The following SUGCT variants were observed in gnomAD, a reference collection of about 807,000 sequenced individuals.
SUGCT encodes succinyl-CoA:glutarate CoA-transferase.
SUGCT carries 41 observed loss-of-function variants against 55.0 expected under a neutral mutation model. The observed-to-expected ratio is 0.74, with a 90% CI of 0.58 to 0.97. SUGCT has a LOEUF of 0.97. SUGCT is among the 50% of genes least tolerant of loss of function. The pLI is 0.00. For synonymous variants in SUGCT, 187 were observed against 200.4 expected (o/e 0.93, Z 0.56); for missense variants, 568 against 547.8 (o/e 1.04, Z -0.37).
intron 6 of SUGCT, among the ~76,000 whole-genome samples, chr7:40,196,921 A>G (rs1453539582): frequency 2.0e-5 from 3 of 152,132 alleles, no homozygotes; most frequent in East Asian, 1.9e-4. Flanking sequence ...TGCAACCTCC[A>G]CCTCCTAGGT....
At chr7:40,234,793 C>G (rs1157197940) in intron 6 of SUGCT, among the ~76,000 whole-genome samples, 1 of 151,968 alleles carries the variant, frequency 6.6e-6, no homozygotes, top group Non-Finnish European at 1.5e-5. Context: ...CCTGTAGTCC[C>G]AGCTACTGGG....
At chr7:40,654,647 A>G (rs1012508452) in intron 12 of SUGCT, among the ~76,000 whole-genome samples, 3 of 152,226 alleles carry the variant, frequency 2.0e-5, no homozygotes, top group African/African-American at 7.2e-5. Flanking sequence ...TCACACACAC[A>G]AAGACCCAAA....
At position 40,404,549 on chromosome 7, in the gene SUGCT, G is replaced by A. The variant is rs568714814; in HGVS notation, c.817-44738G>A. Among the ~76,000 whole-genome samples the A allele has an allele frequency of 2.0e-5, 3 of 152,010 alleles. No individual in the cohort carries two copies. The East Asian group carries it at 5.8e-4, about 30-fold the overall frequency. ...GCCTCCTGGGTTAAGCGATTCTCCTGCCTCAGCCTCCCTAGCAGCTGGGAT... is the reference window on the plus strand; with the variant it reads ...GCCTCCTGGGTTAAGCGATTCTCCTACCTCAGCCTCCCTAGCAGCTGGGAT... On this transcript the variant is annotated intron_variant, in intron 9 of 13. Coordinates refer to ENST00000335693, the MANE Select transcript of SUGCT (RefSeq NM_001193313.2).
At chr7:40,665,425 A>G (rs979584396) in intron 12 of SUGCT, among the ~76,000 whole-genome samples, 1 of 145,206 alleles carries the variant, frequency 6.9e-6, no homozygotes. Flanking sequence ...GTGAAACTCT[A>G]TCTCAAAAAA....
chr7:40,254,821 A>G (rs997550181), intron 7 of SUGCT, among the ~76,000 whole-genome samples: 3 of 152,066 alleles, frequency 2.0e-5, no homozygotes, highest in African/African-American at 7.2e-5. Flanking sequence ...TTTATAAAAA[A>G]AATTTATTTT....
intron 12 of SUGCT, among the ~76,000 whole-genome samples, chr7:40,615,645 C>A (rs890901940): frequency 6.6e-6 from 1 of 152,164 alleles, no homozygotes; most frequent in African/African-American, 2.4e-5. Context: ...AATACATGAT[C>A]TCCTAGGTTC....
At chr7:40,709,549 A>G (rs1324083423) in intron 12 of SUGCT, among the ~76,000 whole-genome samples, 5 of 152,158 alleles carry the variant, frequency 3.3e-5, no homozygotes, top group Admixed American at 3.3e-4. Context: ...TTGCCAACCC[A>G]GGGTTGTGGG....
chr7:40,851,387 CGGGTGA>C (rs1427025829), intron 13 of SUGCT, among the ~76,000 whole-genome samples: 5 of 152,102 alleles, frequency 3.3e-5, no homozygotes, highest in African/African-American at 1.2e-4. Context: ...CATCTCATGT[CGGGTGA>C]GGTATGCAGT....
In SUGCT at chr7:40,249,313, CTATATATATA is replaced by C. The variant is rs57348487; in HGVS notation, c.576+11612_576+11621del. Among the ~76,000 whole-genome samples, 101 of 79,506 alleles carry C rather than the reference CTATATATATA, an allele frequency of 1.3e-3. 4 individuals carry two copies. The highest frequency in any genetic ancestry group is 3.9e-3 in the African/African-American group (73 of 18,562). 52.2% of individuals were successfully genotyped at this position (79,506 alleles called of 152,430 possible). A position where few individuals can be genotyped will look rare whatever the true frequency, so the allele number is the denominator to read the frequency against. On this transcript the variant is annotated intron_variant, in intron 7 of 13. Transcript: ENST00000335693. Reference sequence around the variant, plus strand: ...TCTTAAAACAAAAAACACCAAAAAGCTATATATATATATATATATATATATATATATATAA... The same window carrying C: ...TCTTAAAACAAAAAACACCAAAAAGCTATATATATATATATATATATATAA...
At chr7:40,430,172 G>A (rs1223096688) in intron 9 of SUGCT, among the ~76,000 whole-genome samples, 1 of 152,016 alleles carries the variant, frequency 6.6e-6, no homozygotes, top group African/African-American at 2.4e-5. Context: ...ATTTCCTTTG[G>A]GTATATGCTC....
chr7:40,682,628 AT>A (rs763450902), intron 12 of SUGCT, among the ~76,000 whole-genome samples: 11 of 152,150 alleles, frequency 7.2e-5, no homozygotes, highest in Non-Finnish European at 1.2e-4. Flanking sequence ...TGTCAGAAGT[AT>A]TGTATTTACT....
chr7:40,578,992 C>G (rs1015405330), intron 12 of SUGCT, among the ~76,000 whole-genome samples: 1 of 152,180 alleles, frequency 6.6e-6, no homozygotes, highest in African/African-American at 2.4e-5. Context: ...AATGTTAATT[C>G]ATGCCTGCAA....
intron 13 of SUGCT, among the ~76,000 whole-genome samples, chr7:40,848,650 TAGTGATA>T (rs1175544652): frequency 6.6e-6 from 1 of 152,158 alleles, no homozygotes; most frequent in African/African-American, 2.4e-5. Flanking sequence ...ATTCAAGCAG[TAGTGATA>T]TATGGCGTTT....
intron 12 of SUGCT, among the ~76,000 whole-genome samples, chr7:40,517,710 C>A (rs1032726498): frequency 6.6e-5 from 10 of 152,036 alleles, no homozygotes; most frequent in African/African-American, 2.4e-4. Flanking sequence ...GCTGTATGCT[C>A]TGAGGATGAT....
At chr7:40,652,358 C>T (rs1800818881) in intron 12 of SUGCT, among the ~76,000 whole-genome samples, 1 of 152,168 alleles carries the variant, frequency 6.6e-6, no homozygotes, top group Non-Finnish European at 1.5e-5. Context: ...CTTACTCCTG[C>T]CCTGCCTTCT....
chr7:40,866,718 T>C, the SUGCT span, among the ~76,000 whole-genome samples: 1 of 151,916 alleles, frequency 6.6e-6, no homozygotes, highest in Non-Finnish European at 1.5e-5. Flanking sequence ...AAACGTTTTG[T>C]CTCATTCTCT....
intron 9 of SUGCT, among the ~76,000 whole-genome samples, chr7:40,444,047 A>G (rs946147002): frequency 2.6e-5 from 4 of 151,946 alleles, no homozygotes; most frequent in Non-Finnish European, 4.4e-5. Flanking sequence ...TTGTGGTATT[A>G]TTTCTGAGGG....
At chr7:40,262,823 GAAAAGATGGTAGCA>G (rs1365435735) in intron 7 of SUGCT, among the ~76,000 whole-genome samples, 1 of 152,196 alleles carries the variant, frequency 6.6e-6, no homozygotes, top group African/African-American at 2.4e-5. Context: ...AATATATGGA[GAAAAGATGGTAGCA>G]AAAAGAACAG....
intron 12 of SUGCT, among the ~76,000 whole-genome samples, chr7:40,540,963 C>T (rs775317858): frequency 1.1e-4 from 16 of 152,128 alleles, no homozygotes; most frequent in African/African-American, 2.2e-4. Flanking sequence ...CCATTCCTTC[C>T]GTTATTTTTG....
Sources: gnomAD v4.1 joint callset for allele counts (sites outside exome capture counted in the v4.1 genomes callset) on GRCh38, gnomAD v4.1.1 for gene constraint, MANE v1.5 for transcripts, NCBI Gene and HGNC (gene_info 2026-07-23, HGNC 2026-07-21) for gene names.